Variants in PDE8A observed in about 807,000 individuals in gnomAD.
PDE8A encodes the protein phosphodiesterase 8A, also known as high affinity cAMP-specific and IBMX-insensitive 3',5'-cyclic phosphodiesterase 8A.
A neutral mutation model predicts 105.0 loss-of-function variants in PDE8A; 59 were observed. The observed-to-expected ratio is 0.56, with a 90% CI of 0.46 to 0.70. The LOEUF is 0.70. Ranked by LOEUF, PDE8A falls within the 30% of genes least tolerant of loss-of-function variation. The probability of loss-of-function intolerance (pLI) is 0.00; values close to 1 mark genes in which losing one functional copy is unlikely to be tolerated. For synonymous variants in PDE8A, 355 were observed against 371.9 expected (o/e 0.95, Z 0.52); for missense variants, 1,014 against 1,045.9 (o/e 0.97, Z 0.42).
At chr15:85,059,123 G>A (rs2081106668) in intron 1 of PDE8A, among the ~76,000 whole-genome samples, 1 of 152,002 alleles carries the variant, frequency 6.6e-6, no homozygotes, top group African/African-American at 2.4e-5. Flanking sequence ...TTTATCTTGT[G>A]TATTCTTCTT....
At chr15:85,010,050 T>G (rs1028612570) in intron 1 of PDE8A, among the ~76,000 whole-genome samples, 2 of 152,198 alleles carry the variant, frequency 1.3e-5, no homozygotes, top group East Asian at 3.8e-4. Context: ...TGATTTAGTT[T>G]ATACAAAGTT....
intron 11 of PDE8A, among the ~76,000 whole-genome samples, chr15:85,106,419 C>T (rs767528421): frequency 5.3e-5 from 8 of 152,136 alleles, no homozygotes; most frequent in African/African-American, 1.7e-4. Context: ...TTCATTTTCA[C>T]CTCCCTAATG....
chr15:84,995,207 G>A (rs985512045), intron 1 of PDE8A, among the ~76,000 whole-genome samples: 1 of 151,980 alleles, frequency 6.6e-6, no homozygotes, highest in African/African-American at 2.4e-5. Flanking sequence ...GTTTCATTAT[G>A]CTCCTTATTG....
upstream of PDE8A, among the ~76,000 whole-genome samples, chr15:84,981,499 C>G (rs1342700591): frequency 6.6e-6 from 1 of 152,218 alleles, no homozygotes; most frequent in Non-Finnish European, 1.5e-5. Flanking sequence ...CCCTCCCTAC[C>G]CTGGCGGACG....
At chr15:85,095,630 C>T (rs2081734241) in intron 8 of PDE8A, among the ~76,000 whole-genome samples, 1 of 152,118 alleles carries the variant, frequency 6.6e-6, no homozygotes, top group Non-Finnish European at 1.5e-5. Context: ...AGGCGTGAGC[C>T]ACTGTGCCCA....
chr15:85,072,143 G>C (rs777296862), intron 3 of PDE8A, among the ~76,000 whole-genome samples: 5 of 152,214 alleles, frequency 3.3e-5, no homozygotes, highest in African/African-American at 4.8e-5. Flanking sequence ...TTGGTGTGCA[G>C]ATCCTTTATA....
intron 1 of PDE8A, among the ~76,000 whole-genome samples, chr15:85,056,451 A>C (rs1477500339): frequency 6.6e-6 from 1 of 152,154 alleles, no homozygotes; most frequent in African/African-American, 2.4e-5. Flanking sequence ...TACACCAATC[A>C]GACGTAGATT....
intron 20 of PDE8A, among the ~76,000 whole-genome samples, chr15:85,133,783 C>T (rs2082362658): frequency 6.6e-6 from 1 of 152,138 alleles, no homozygotes; most frequent in Non-Finnish European, 1.5e-5. Flanking sequence ...CCCCTTATAG[C>T]CACCCTGTCT....
chr15:85,088,505 T>G (rs1353800051), intron 6 of PDE8A, among the ~76,000 whole-genome samples: 1 of 152,276 alleles, frequency 6.6e-6, no homozygotes, highest in African/African-American at 2.4e-5. Context: ...GTTTATCCAT[T>G]CATCAGTTGA....
chr15:85,043,736 C>T (rs1338200824), intron 1 of PDE8A, among the ~76,000 whole-genome samples: 1 of 151,994 alleles, frequency 6.6e-6, no homozygotes, highest in African/African-American at 2.4e-5. Flanking sequence ...CTTACTCTGT[C>T]GCCCAGGCTG....
intron 1 of PDE8A, among the ~76,000 whole-genome samples, chr15:85,011,684 A>G (rs979933706): frequency 3.3e-5 from 5 of 152,214 alleles, no homozygotes; most frequent in Non-Finnish European, 7.3e-5. Flanking sequence ...ACAAAAGCCA[A>G]AATTGACACA....
intron 20 of PDE8A, among the ~76,000 whole-genome samples, chr15:85,134,955 G>A (rs562034483): frequency 6.6e-5 from 10 of 152,314 alleles, no homozygotes; most frequent in African/African-American, 2.2e-4. Context: ...GCGACTTTAG[G>A]GAGCTCCACG....
intron 8 of PDE8A, among the ~76,000 whole-genome samples, chr15:85,096,280 A>G (rs2141550290): frequency 1.3e-5 from 2 of 152,124 alleles, no homozygotes; most frequent in East Asian, 1.9e-4. Flanking sequence ...TCTATGCCAT[A>G]CAAGTCACCC....
chr15:85,075,939 T>C (rs746101491), intron 4 of PDE8A, 21 bp downstream of exon 4: 11 of 1,392,056 alleles, frequency 7.9e-6, no homozygotes, highest in Non-Finnish European at 1.1e-5. Context: ...ATTTTTTTAA[T>C]GTTGAAATTG....
At chr15:85,099,841 T>G in intron 9 of PDE8A, 174 bp from the exon 10 acceptor site, 1 of 609,014 alleles carries the variant, frequency 1.6e-6, no homozygotes, top group Non-Finnish European at 2.9e-6. Context: ...CGCCAAAGGA[T>G]GTTTGTGATC....
chr15:85,071,464 T>G (rs1390873118), intron 3 of PDE8A, among the ~76,000 whole-genome samples: 1 of 152,202 alleles, frequency 6.6e-6, no homozygotes, highest in Non-Finnish European at 1.5e-5. Flanking sequence ...TCCTACTATG[T>G]TTTAAGAAGG....
At chr15:85,087,955 A>G (rs2081581338) in intron 6 of PDE8A, among the ~76,000 whole-genome samples, 1 of 152,150 alleles carries the variant, frequency 6.6e-6, no homozygotes, top group Non-Finnish European at 1.5e-5. Flanking sequence ...ATTTGATCTT[A>G]TTATTTTTAA....
intron 1 of PDE8A, among the ~76,000 whole-genome samples, chr15:84,993,707 C>A (rs1370352370): frequency 6.6e-6 from 1 of 151,200 alleles, no homozygotes; most frequent in African/African-American, 2.4e-5. Flanking sequence ...TAGTAAGACC[C>A]CCATTCTCTA....
At chr15:85,020,214 T>C (rs1352199625) in intron 1 of PDE8A, among the ~76,000 whole-genome samples, 1 of 152,220 alleles carries the variant, frequency 6.6e-6, no homozygotes, top group Non-Finnish European at 1.5e-5. Flanking sequence ...ATGTGATCTG[T>C]CTGCCAAAGA....
Sources: gnomAD v4.1 joint callset for allele counts (sites outside exome capture counted in the v4.1 genomes callset) on GRCh38, gnomAD v4.1.1 for gene constraint, MANE v1.5 for transcripts, NCBI Gene and HGNC (gene_info 2026-07-23, HGNC 2026-07-21) for gene names.